Variants in HIBCH observed in about 807,000 individuals in gnomAD.
HIBCH encodes the protein 3-hydroxyisobutyryl-CoA hydrolase, mitochondrial.
HIBCH carries 50 observed loss-of-function variants against 58.2 expected under a neutral mutation model. The observed-to-expected ratio is 0.86, with a 90% CI of 0.68 to 1.09. HIBCH has a LOEUF of 1.09. HIBCH is among the 50% of genes least tolerant of loss of function. HIBCH has a pLI of 0.00. For synonymous variants in HIBCH, 151 were observed against 146.9 expected, an observed-to-expected ratio of 1.03 and a Z score of -0.20; for missense variants, 450 against 449.7, an observed-to-expected ratio of 1.00 and a Z score of -0.01.
At chr2:190,319,315 G>T (rs1225915788) in intron 1 of HIBCH, among the ~76,000 whole-genome samples, 1 of 152,242 alleles carries the variant, frequency 6.6e-6, no homozygotes, top group Admixed American at 6.5e-5. Flanking sequence ...CACGGGCAGA[G>T]AGAGGTGCAG....
chr2:190,272,517 A>G (rs1252497633), intron 6 of HIBCH, among the ~76,000 whole-genome samples: 1 of 152,218 alleles, frequency 6.6e-6, no homozygotes, highest in African/African-American at 2.4e-5. Flanking sequence ...CAACATGGTC[A>G]GGGCAGAAGG....
chr2:190,221,049 A>G (rs936807995), intron 11 of HIBCH, among the ~76,000 whole-genome samples: 57 of 152,154 alleles, frequency 3.7e-4, no homozygotes, highest in African/African-American at 1.4e-3. Flanking sequence ...AATTAATTTT[A>G]TAAGAAAGGC....
rs1296124167 is a variant in HIBCH at position 190,296,845 on chromosome 2, TAA to T, written c.185_186del (p.Leu62GlnfsTer18). 24 of 1,614,086 alleles carry T rather than the reference TAA, an allele frequency of 1.5e-5. No homozygotes were observed. The highest frequency in any genetic ancestry group is 2.0e-5 in the Non-Finnish European group (24 of 1,179,936). ...TGTGGATAAATCTGCCGAATCATAT[TAA>T]GAGTCAGTGCATTGAGGAACTTTGG... ...NRPKFLNALT[L>X]NMIRQIYPQL... is the part of the protein sequence containing the mutation. On this transcript the variant is annotated frameshift_variant, in exon 3 of 14. Coordinates refer to ENST00000359678, the MANE Select transcript of HIBCH (RefSeq NM_014362.4). LOFTEE classifies it high-confidence loss of function.
At chr2:190,202,479 TTTACA>T (rs1690277486), downstream of HIBCH, 1 of 166,998 alleles carries the variant, frequency 6.0e-6, no homozygotes, top group Non-Finnish European at 1.5e-5. Flanking sequence ...AATAAACAAA[TTTACA>T]TTACATGTGA....
chr2:190,224,295 G>A (rs545402841), intron 11 of HIBCH, among the ~76,000 whole-genome samples: 5 of 152,244 alleles, frequency 3.3e-5, no homozygotes, highest in East Asian at 3.9e-4. Context: ...GATCAAGGAC[G>A]CCTGCCTGCC....
chr2:190,293,726 A>T (rs961532383), intron 4 of HIBCH, among the ~76,000 whole-genome samples: 4 of 151,810 alleles, frequency 2.6e-5, no homozygotes, highest in African/African-American at 9.7e-5. Flanking sequence ...AAATTAAAAC[A>T]CAAAGAAAAA....
chr2:190,300,584 G>A (rs1688233978), intron 2 of HIBCH, among the ~76,000 whole-genome samples: 1 of 151,934 alleles, frequency 6.6e-6, no homozygotes, highest in African/African-American at 2.4e-5. Context: ...TGCATAGTTT[G>A]CATGTTCTCC....
At chr2:190,290,890 AGTTCCAGCT>A (rs1253515496) in intron 4 of HIBCH, among the ~76,000 whole-genome samples, 19 of 152,150 alleles carry the variant, frequency 1.2e-4, no homozygotes, top group African/African-American at 4.6e-4. Context: ...ACATGCCTGT[AGTTCCAGCT>A]GCTCAGGAGG....
intron 11 of HIBCH, chr2:190,213,598 T>C (rs1690564169): frequency 6.1e-6 from 1 of 165,286 alleles, no homozygotes; most frequent in Non-Finnish European, 1.3e-5. Flanking sequence ...CCAAAGAAGT[T>C]TAGCCTAGAT....
intron 6 of HIBCH, among the ~76,000 whole-genome samples, chr2:190,269,284 A>G (rs1024414665): frequency 6.6e-6 from 1 of 152,164 alleles, no homozygotes; most frequent in Non-Finnish European, 1.5e-5. Flanking sequence ...ACTGTCATCA[A>G]CGTGAACAGG....
chr2:190,231,918 C>A (rs1686109391), intron 11 of HIBCH, among the ~76,000 whole-genome samples: 1 of 152,092 alleles, frequency 6.6e-6, no homozygotes, highest in Non-Finnish European at 1.5e-5. Context: ...AATTTCAGGG[C>A]AGCATGGTGG....
At position 190,214,535 on chromosome 2, in the gene HIBCH, C is replaced by CA. The variant is rs1293377506; in HGVS notation, c.892-1461dup. 4 of 152,206 alleles carry CA rather than the reference C, an allele frequency of 2.6e-5. No homozygotes were observed. Among genetic ancestry groups the CA allele is most frequent in the Non-Finnish European group, 5.9e-5 (4 of 68,050 alleles). 9.4% of individuals were successfully genotyped at this position (152,206 alleles called of 1,614,324 possible). ...TAGAGTATTGCTGTTTTATCTGGCCCAAAAAGCCCATTTGTCAGCCTTTGG... is the reference window on the plus strand; with the variant it reads ...TAGAGTATTGCTGTTTTATCTGGCCCAAAAAAGCCCATTTGTCAGCCTTTGG... On this transcript the variant is annotated intron_variant, in intron 11 of 13. Transcript: ENST00000359678. The surrounding 1 kb of genome is among the most constrained non-coding windows in gnomAD (Gnocchi z 5.5).
chr2:190,297,514 T>C (rs1468077202), intron 2 of HIBCH, among the ~76,000 whole-genome samples: 2 of 152,166 alleles, frequency 1.3e-5, no homozygotes, highest in Non-Finnish European at 2.9e-5. Context: ...AAACGAGTGG[T>C]GAGAGGGTAG....
At chr2:190,203,700 A>C (rs976872312), downstream of HIBCH, among the ~76,000 whole-genome samples, 1 of 152,148 alleles carries the variant, frequency 6.6e-6, no homozygotes, top group Admixed American at 6.6e-5. Flanking sequence ...TCTTTATTCC[A>C]GATCTGTTAC....
chr2:190,196,802 TTTGTGCTA>T (rs1474057026), intron 1 of HIBCH, among the ~76,000 whole-genome samples: 3 of 152,182 alleles, frequency 2.0e-5, no homozygotes, highest in Non-Finnish European at 1.5e-5. Flanking sequence ...TCTGGCTTCT[TTTGTGCTA>T]TAATAGCAGA....
intron 6 of HIBCH, among the ~76,000 whole-genome samples, chr2:190,267,380 AGAGACGGAGTTTCACCATGTTG>A (rs1687271453): frequency 6.6e-6 from 1 of 152,106 alleles, no homozygotes; most frequent in African/African-American, 2.4e-5. Context: ...TATTTTTAGT[AGAGACGGAGTTTCACCATGTTG>A]GTCAGGCTTG....
At chr2:190,317,198 A>G (rs1688726519) in intron 1 of HIBCH, among the ~76,000 whole-genome samples, 1 of 152,192 alleles carries the variant, frequency 6.6e-6, no homozygotes, top group Non-Finnish European at 1.5e-5. Context: ...CACCACACCC[A>G]GCGAAGAGCA....
chr2:190,205,285 AG>A, intron 13 of HIBCH, 53 bp from the exon 14 acceptor site: 1 of 983,524 alleles, frequency 1.0e-6, no homozygotes, highest in Non-Finnish European at 1.6e-6. Context: ...TAATATTGCT[AG>A]ATTTTACTTA....
At chr2:190,193,244 T>C (rs1310522515) in intron 1 of HIBCH, among the ~76,000 whole-genome samples, 1 of 152,156 alleles carries the variant, frequency 6.6e-6, no homozygotes, top group Non-Finnish European at 1.5e-5. Flanking sequence ...GTTAATATAG[T>C]GAATTATATC....
Sources: gnomAD v4.1 joint callset for allele counts (sites outside exome capture counted in the v4.1 genomes callset) on GRCh38, gnomAD v4.1.1 for gene constraint, Gnocchi (gnomAD v3.1) non-coding constraint, MANE v1.5 for transcripts, NCBI Gene and HGNC (gene_info 2026-07-23, HGNC 2026-07-21) for gene names.